The following TENM1 variants were observed in gnomAD, a reference collection of about 807,000 sequenced individuals.
The protein encoded by TENM1 is teneurin transmembrane protein 1, also known as teneurin-1.
In TENM1, 35 loss-of-function variants were observed where a neutral mutation model predicts 174.8. The ratio of observed to expected loss-of-function variants is 0.20; its 90% CI spans 0.15 to 0.27. The LOEUF is 0.27. Among genes scored for constraint, TENM1 ranks in the 10% least tolerant of loss-of-function variants. The pLI is 1.00. For missense variants in TENM1, 1,633 were observed against 2,130.1 expected, an observed-to-expected ratio of 0.77 and a Z score of 4.59; for synonymous variants, 781 against 798.7, an observed-to-expected ratio of 0.98 and a Z score of 0.37.
At chrX:124,661,092 C>T (rs906627598) in intron 6 of TENM1, among the ~76,000 whole-genome samples, 1 of 111,314 alleles carries the variant, frequency 9.0e-6, no homozygotes, top group Non-Finnish European at 1.9e-5. Flanking sequence ...TTATATGATT[C>T]TATATGAAAT....
At chrX:124,543,665 AAT>A (rs1286310506) in intron 15 of TENM1, among the ~76,000 whole-genome samples, 2 of 112,304 alleles carry the variant, frequency 1.8e-5, no homozygotes, top group Non-Finnish European at 3.8e-5. Flanking sequence ...GGGCTCGTAG[AAT>A]ATGTGGTTTA....
intron 3 of TENM1, among the ~76,000 whole-genome samples, chrX:124,789,916 A>G (rs1406858243): frequency 9.0e-6 from 1 of 111,697 alleles, no homozygotes; most frequent in African/African-American, 3.3e-5. Flanking sequence ...AATTTACTGT[A>G]TTAGTCCATT....
intron 30 of TENM1, among the ~76,000 whole-genome samples, chrX:124,383,281 T>C (rs149990320): frequency 2.5e-3 from 275 of 111,372 alleles, no homozygotes; most frequent in African/African-American, 8.6e-3. Context: ...CTAAAACACC[T>C]GATCCTCTCT....
the TENM1 span, among the ~76,000 whole-genome samples, chrX:125,066,589 A>C: frequency 8.9e-6 from 1 of 111,866 alleles, no homozygotes; most frequent in South Asian, 3.7e-4. Flanking sequence ...GGAGGCAGTC[A>C]GTTGAAATGG....
At chrX:125,097,787 C>A in the TENM1 span, among the ~76,000 whole-genome samples, 1 of 112,205 alleles carries the variant, frequency 8.9e-6, no homozygotes, top group Admixed American at 9.4e-5. Context: ...GAGAGTCAAG[C>A]AATTTAAATT....
intron 11 of TENM1, among the ~76,000 whole-genome samples, chrX:124,606,400 T>C (rs1014613541): frequency 9.0e-6 from 1 of 111,443 alleles, no homozygotes; most frequent in Admixed American, 9.6e-5. Flanking sequence ...TACCTAAGTG[T>C]TCCATTTAGG....
At chrX:125,183,487 T>C in the TENM1 span, among the ~76,000 whole-genome samples, 3 of 111,907 alleles carry the variant, frequency 2.7e-5, no homozygotes, top group African/African-American at 6.5e-5. Context: ...ATTGAAAGCA[T>C]TGGAGTCTGA....
chrX:125,180,353 G>A, the TENM1 span, among the ~76,000 whole-genome samples: 1 of 99,652 alleles, frequency 1.0e-5, no homozygotes, highest in Non-Finnish European at 2.0e-5. Context: ...ACAAGCGTGA[G>A]CCACCGTGCT....
intron 3 of TENM1, among the ~76,000 whole-genome samples, chrX:124,760,925 C>G (rs1055146366): frequency 1.8e-5 from 2 of 111,862 alleles, no homozygotes; most frequent in Admixed American, 1.9e-4. Context: ...ATTAATGCAG[C>G]CAATAGACAC....
intron 1 of TENM1, among the ~76,000 whole-genome samples, chrX:124,952,563 T>C (rs2058507022): frequency 9.0e-6 from 1 of 111,558 alleles, no homozygotes; most frequent in Non-Finnish European, 1.9e-5. Context: ...CCTGGTTGTA[T>C]GTCAATGTGA....
chrX:124,655,901 G>A (rs1335630002), intron 6 of TENM1, among the ~76,000 whole-genome samples: 1 of 111,455 alleles, frequency 9.0e-6, no homozygotes, highest in Non-Finnish European at 1.9e-5. Context: ...GCCCCTAAAG[G>A]GCTGATTATA....
intron 11 of TENM1, among the ~76,000 whole-genome samples, chrX:124,640,825 G>A (rs2050996919): frequency 9.1e-6 from 1 of 110,098 alleles, no homozygotes; most frequent in African/African-American, 3.3e-5. Flanking sequence ...GCCGGTCGTG[G>A]TGTCACGCGC....
At chrX:124,415,792 C>T (rs756239160) in intron 25 of TENM1, among the ~76,000 whole-genome samples, 1 of 111,426 alleles carries the variant, frequency 9.0e-6, no homozygotes, top group African/African-American at 3.3e-5. Flanking sequence ...CCCCATTCAC[C>T]GTGAGAATCT....
At chrX:124,798,538 GT>G (rs754033339) in intron 3 of TENM1, among the ~76,000 whole-genome samples, 2 of 110,671 alleles carry the variant, frequency 1.8e-5, no homozygotes, top group African/African-American at 6.6e-5. Flanking sequence ...TGATGGGGTT[GT>G]TTTTTTTCTT....
the TENM1 span, among the ~76,000 whole-genome samples, chrX:125,062,039 G>A: frequency 8.9e-6 from 1 of 112,207 alleles, no homozygotes; most frequent in African/African-American, 3.2e-5. Context: ...TCTAACATTT[G>A]CTAATCATGA....
chrX:125,199,846 TATA>T, the TENM1 span, among the ~76,000 whole-genome samples: 2 of 111,928 alleles, frequency 1.8e-5, no homozygotes, highest in Non-Finnish European at 3.8e-5. Context: ...AATATTGTTA[TATA>T]ATAATTTTCA....
chrX:124,915,429 GCAGGAGAATCGCTGGAACC>G (rs57831657), intron 1 of TENM1, among the ~76,000 whole-genome samples: 3,669 of 111,756 alleles, frequency 0.033, 134 homozygotes, highest in African/African-American at 0.11. Context: ...GGAGGCTGAG[GCAGGAGAATCGCTGGAACC>G]CAGGAGGCAG....
the TENM1 span, among the ~76,000 whole-genome samples, chrX:125,109,113 T>A: frequency 1.3e-4 from 15 of 112,012 alleles, no homozygotes; most frequent in South Asian, 5.6e-3. Context: ...ATTCAAATGT[T>A]ACCATCTTAG....
At chrX:124,554,191 T>C (rs1250947776) in intron 14 of TENM1, among the ~76,000 whole-genome samples, 1 of 112,553 alleles carries the variant, frequency 8.9e-6, no homozygotes, top group Non-Finnish European at 1.9e-5. Flanking sequence ...ATGACATTTG[T>C]AAATGTGCCC....
Sources: allele counts gnomAD v4.1 joint callset (sites outside exome capture counted in the v4.1 genomes callset), GRCh38; gene constraint gnomAD v4.1.1; transcripts MANE v1.5; gene names NCBI Gene and HGNC (gene_info 2026-07-23, HGNC 2026-07-21).